Variants in GRB2 observed in about 807,000 individuals in gnomAD.
GRB2 encodes growth factor receptor-bound protein 2.
GRB2 carries 2 observed loss-of-function variants against 27.4 expected under a neutral mutation model. The observed-to-expected ratio is 0.07, with a 90% CI of 0.03 to 0.23. GRB2 has a LOEUF of 0.23. Among genes scored for constraint, GRB2 ranks in the 10% least tolerant of loss-of-function variants. GRB2 has a pLI of 1.00. For synonymous variants in GRB2, 94 were observed against 99.6 expected, an observed-to-expected ratio of 0.94 and a Z score of 0.33; for missense variants, 102 against 282.4, an observed-to-expected ratio of 0.36 and a Z score of 4.58.
chr17:75,322,372 C>CA (rs544297344), intron 4 of GRB2, among the ~76,000 whole-genome samples: 16,069 of 84,388 alleles, frequency 0.19, 1,290 homozygotes, highest in Middle Eastern at 0.31. Context: ...AACTCTGTCT[C>CA]AAAAAAAAAA....
At chr17:75,328,339 TAAATA>T (rs1407448936) in intron 3 of GRB2, among the ~76,000 whole-genome samples, 3 of 148,010 alleles carry the variant, frequency 2.0e-5, no homozygotes, top group Non-Finnish European at 3.0e-5. Context: ...AATATATAAA[TAAATA>T]AAATAAAAAA....
Position 75,384,006 on chromosome 17 carries a change from G to A in GRB2, c.78+9545C>T, listed in dbSNP as rs575723044. Among the ~76,000 whole-genome samples the A allele has an allele frequency of 4.9e-4, 74 of 152,212 alleles. 1 individual carries two copies. The highest frequency in any genetic ancestry group is 1.7e-3 in the African/African-American group (71 of 41,532). ...TAAATTGCCCAAGATCGCAATGCCCGATCTGTCTGTGACAGAGCTAGGATT... is the reference window on the plus strand; with the variant it reads ...TAAATTGCCCAAGATCGCAATGCCCAATCTGTCTGTGACAGAGCTAGGATT... On this transcript the variant is annotated intron_variant, in intron 2 of 5. Transcript: ENST00000316804.
intron 2 of GRB2, among the ~76,000 whole-genome samples, chr17:75,392,428 G>A (rs983873558): frequency 6.6e-6 from 1 of 152,152 alleles, no homozygotes; most frequent in African/African-American, 2.4e-5. Flanking sequence ...GTTAACTTCA[G>A]AGTAGAACTC....
intron 2 of GRB2, among the ~76,000 whole-genome samples, chr17:75,343,198 G>C (rs1048329793): frequency 6.6e-6 from 1 of 152,052 alleles, no homozygotes; most frequent in African/African-American, 2.4e-5. Flanking sequence ...ATCCCTCTCA[G>C]GATGGAGCGC....
chr17:75,376,549 A>G (rs889918637), intron 2 of GRB2, among the ~76,000 whole-genome samples: 1 of 151,166 alleles, frequency 6.6e-6, no homozygotes, highest in African/African-American at 2.4e-5. Context: ...TTAGTGAAGC[A>G]TGAACTTCTA....
chr17:75,345,188 G>A (rs1017555122), intron 2 of GRB2, among the ~76,000 whole-genome samples: 7 of 151,916 alleles, frequency 4.6e-5, no homozygotes, highest in East Asian at 1.9e-4. Flanking sequence ...GACTACAGGC[G>A]CCCGCCACCA....
chr17:75,373,585 A>T (rs1445446805), intron 2 of GRB2: 4 of 152,156 alleles, frequency 2.6e-5, no homozygotes, highest in Non-Finnish European at 5.9e-5. Context: ...AGTGCTGCTA[A>T]ATTAACTGAG....
chr17:75,323,335 A>G (rs1265615873), intron 4 of GRB2, among the ~76,000 whole-genome samples: 1 of 152,076 alleles, frequency 6.6e-6, no homozygotes, highest in African/African-American at 2.4e-5. Flanking sequence ...CAAAATGTGG[A>G]AGGTGAGAAA....
rs10611022 is a variant in GRB2, at chr17:75,319,316, TAAA to T, written c.*1049_*1051del. 828 of 139,024 alleles carry T rather than the reference TAAA, an allele frequency of 6.0e-3. 1 individual carries two copies. The highest frequency in any genetic ancestry group is 0.019 in the African/African-American group (667 of 35,932). 8.6% of individuals were successfully genotyped at this position (139,024 alleles called of 1,614,324 possible). On this transcript the variant is annotated 3_prime_UTR_variant, in exon 6 of 6. Coordinates refer to ENST00000316804, the MANE Select transcript of GRB2 (RefSeq NM_002086.5). ...TAACTTATTTTAAAACAAAACAAAT[TAAA>T]AAAAAAAAAAAAACACCACTCAGAA... is the stretch of plus-strand genomic sequence containing the variant.
At position 75,347,173 on chromosome 17, in the gene GRB2, C is replaced by T. The variant is rs536198958; in HGVS notation, c.79-14376G>A. Among the ~76,000 whole-genome samples, 74 of 152,274 alleles carry T rather than the reference C, an allele frequency of 4.9e-4. 1 individual carries two copies. The highest frequency in any genetic ancestry group is 1.7e-3 in the African/African-American group (71 of 41,536). On this transcript the variant is annotated intron_variant, in intron 2 of 5. Transcript: ENST00000316804. ...ATTATCCCTGTGGTTTCTAGAGAAA[C>T]TTCGCCCACACTGATAGCGGCAGGA...
At chr17:75,363,703 C>CA (rs1323924558) in intron 2 of GRB2, among the ~76,000 whole-genome samples, 3 of 151,316 alleles carry the variant, frequency 2.0e-5, no homozygotes, top group African/African-American at 4.9e-5. Flanking sequence ...ACTAAAAATA[C>CA]AAAAAAATTA....
rs2078431197 is a variant in GRB2, at chr17:75,318,412, A to G, written c.*1956T>C. 1 of 152,328 alleles carries G rather than the reference A, an allele frequency of 6.6e-6. No homozygotes were observed. The highest frequency in any genetic ancestry group is 1.9e-4 in the East Asian group (1 of 5,182). The allele number at this position is 152,328 out of a possible 1,614,324, so 9.4% of individuals were successfully genotyped here. A position where few individuals can be genotyped will look rare whatever the true frequency, so the allele number is the denominator to read the frequency against. ...AACGCTCCAGGCCTGGGCCCTGTTCATATCTGGAGTCGGAGGGAGACTCCC... is the reference window on the plus strand; with the variant it reads ...AACGCTCCAGGCCTGGGCCCTGTTCGTATCTGGAGTCGGAGGGAGACTCCC... On this transcript the variant is annotated 3_prime_UTR_variant, in exon 6 of 6. Transcript: ENST00000316804.
intron 2 of GRB2, among the ~76,000 whole-genome samples, chr17:75,374,622 CACAA>C (rs1249814627): frequency 1.3e-5 from 2 of 151,160 alleles, no homozygotes. Context: ...CACACACACA[CACAA>C]ACACACACAC....
chr17:75,386,050 T>C (rs1362329424), intron 2 of GRB2, among the ~76,000 whole-genome samples: 2 of 152,246 alleles, frequency 1.3e-5, no homozygotes, highest in Admixed American at 6.5e-5. Flanking sequence ...CTAGGTGGTA[T>C]ATACATAATT....
chr17:75,392,399 A>G (rs1415303737), intron 2 of GRB2, among the ~76,000 whole-genome samples: 1 of 152,218 alleles, frequency 6.6e-6, no homozygotes, highest in Non-Finnish European at 1.5e-5. Context: ...CATTTCTAAC[A>G]TTAAGAAATT....
intron 2 of GRB2, among the ~76,000 whole-genome samples, chr17:75,374,667 G>A (rs2078880684): frequency 6.6e-6 from 1 of 151,838 alleles, no homozygotes; most frequent in Admixed American, 6.6e-5. Context: ...CATGCCTGTA[G>A]TCCCAGCTAC....
At chr17:75,345,592 G>C (rs533237955) in intron 2 of GRB2, among the ~76,000 whole-genome samples, 1 of 152,096 alleles carries the variant, frequency 6.6e-6, no homozygotes, top group Non-Finnish European at 1.5e-5. Flanking sequence ...AGTTCCAAAT[G>C]CATTTTCTAC....
chr17:75,380,691 T>C (rs920371454), intron 2 of GRB2, among the ~76,000 whole-genome samples: 4 of 152,220 alleles, frequency 2.6e-5, no homozygotes, highest in Non-Finnish European at 5.9e-5. Context: ...ATACATGCCA[T>C]ATTTCTCTAT....
chr17:75,391,569 G>A (rs1156340798), intron 2 of GRB2, among the ~76,000 whole-genome samples: 1 of 152,210 alleles, frequency 6.6e-6, no homozygotes, highest in Non-Finnish European at 1.5e-5. Flanking sequence ...AGCACTTTGG[G>A]AGGCCGAGGT....
Sources: allele counts gnomAD v4.1 joint callset (sites outside exome capture counted in the v4.1 genomes callset), GRCh38; gene constraint gnomAD v4.1.1; transcripts MANE v1.5; gene names NCBI Gene and HGNC (gene_info 2026-07-23, HGNC 2026-07-21).